Variants in SPHKAP observed in about 807,000 individuals in gnomAD.
SPHKAP encodes the protein SPHK1 interactor, AKAP domain containing, also known as A-kinase anchor protein SPHKAP.
In SPHKAP, 67 loss-of-function variants were observed where a neutral mutation model predicts 137.5. The ratio of observed to expected loss-of-function variants is 0.49; its 90% confidence interval spans 0.40 to 0.60. The LOEUF (loss-of-function observed/expected upper bound fraction) is 0.60. Among genes scored for constraint, SPHKAP ranks in the 20% least tolerant of loss-of-function variants. The probability of loss-of-function intolerance (pLI) is 0.00; values close to 1 mark genes in which losing one functional copy is unlikely to be tolerated. For synonymous variants in SPHKAP, 813 were observed against 785.3 expected (o/e 1.04, Z -0.59); for missense variants, 2,097 against 2,069.3 (o/e 1.01, Z -0.26).
intron 2 of SPHKAP, among the ~76,000 whole-genome samples, chr2:228,115,298 C>T (rs993265903): frequency 6.6e-6 from 1 of 152,076 alleles, no homozygotes; most frequent in East Asian, 1.9e-4. Flanking sequence ...TTAGTTATTA[C>T]TTTTGGATTT....
In SPHKAP at chr2:228,131,251, G is replaced by A. The variant is rs1000889000; in HGVS notation, c.138+729C>T. 6.7e-5 allele frequency: 65 copies of A among 969,382 alleles called. No homozygotes were observed. The African/African-American group carries it at 1.0e-3, about 15-fold the overall frequency. 60.0% of individuals were successfully genotyped at this position (969,382 alleles called of 1,614,324 possible). A position where few individuals can be genotyped will look rare whatever the true frequency, so the allele number is the denominator to read the frequency against. ...AGAATTTTTATAATTTAATATTTTT[G>A]CAATAAATGAAATAACTCACTGTGA... On this transcript the variant is annotated intron_variant, in intron 2 of 11. Transcript: ENST00000392056.
chr2:228,104,534 C>T (rs952739781), intron 3 of SPHKAP, among the ~76,000 whole-genome samples: 1 of 151,434 alleles, frequency 6.6e-6, no homozygotes, highest in Non-Finnish European at 1.5e-5. Context: ...ATATAAAATA[C>T]GAATTATATG....
chr2:228,035,338 C>T (rs1695544133), intron 3 of SPHKAP, among the ~76,000 whole-genome samples: 1 of 151,892 alleles, frequency 6.6e-6, no homozygotes, highest in Admixed American at 6.6e-5. Flanking sequence ...TGTGAAGGAC[C>T]TCTTCAAGGA....
At chr2:228,011,693 C>T (rs1694376205) in intron 7 of SPHKAP, among the ~76,000 whole-genome samples, 1 of 152,126 alleles carries the variant, frequency 6.6e-6, no homozygotes, top group African/African-American at 2.4e-5. Flanking sequence ...ATATATCACA[C>T]TTGCTTGTCA....
intron 2 of SPHKAP, among the ~76,000 whole-genome samples, chr2:228,115,069 G>A (rs953548424): frequency 4.6e-5 from 7 of 152,252 alleles, no homozygotes; most frequent in Middle Eastern, 3.4e-3. Context: ...GGCAGGTGGA[G>A]AAGACATGTC....
In SPHKAP at chr2:228,172,265, A is replaced by C. The variant is rs76842149; in HGVS notation, c.32+9302T>G. ...AATAGCAGCAGCTAGATTGTGGACT[A>C]TGAAATGGGCAATGTGTGAATTGAT... On this transcript the variant is annotated intron_variant, in intron 1 of 11. Coordinates refer to ENST00000392056, the MANE Select transcript of SPHKAP (RefSeq NM_001142644.2). Among the ~76,000 whole-genome samples the C allele has an allele frequency of 2.2e-3, 334 of 152,314 alleles. 5 individuals carry two copies. In the East Asian group the frequency reaches 0.053, roughly 24 times the overall value.
intron 11 of SPHKAP, among the ~76,000 whole-genome samples, chr2:227,987,102 C>T (rs1415735233): frequency 2.6e-5 from 4 of 152,202 alleles, no homozygotes; most frequent in South Asian, 2.1e-4. Flanking sequence ...AAGGAGGTCT[C>T]AAACTTCAGT....
chr2:228,046,553 A>G lies in SPHKAP; in HGVS notation c.247-19010T>C, dbSNP rs112074959. The stretch of plus-strand genomic sequence containing the variant: ...TTCAAAAAGCTTGCCAACACTTCAT[A>G]TTCTTTAATGCTACCAAAAATCATT... On this transcript the variant is annotated intron_variant, in intron 3 of 11. Coordinates refer to ENST00000392056, the MANE Select transcript of SPHKAP (RefSeq NM_001142644.2). Among the ~76,000 whole-genome samples, 1,280 of 152,206 alleles carry G rather than the reference A, an allele frequency of 8.4e-3. 16 individuals carry two copies. Among genetic ancestry groups the G allele is most frequent in the East Asian group, 0.029 (152 of 5,170 alleles).
intron 3 of SPHKAP, among the ~76,000 whole-genome samples, chr2:228,043,703 C>A (rs956371953): frequency 6.6e-6 from 1 of 152,134 alleles, no homozygotes; most frequent in African/African-American, 2.4e-5. Flanking sequence ...AATGAGACAA[C>A]CTAACTTTGA....
chr2:228,130,242 C>T (rs769719433), intron 2 of SPHKAP, among the ~76,000 whole-genome samples: 3 of 152,128 alleles, frequency 2.0e-5, no homozygotes, highest in Admixed American at 2.0e-4. Context: ...GATCATAAAT[C>T]CCTAACTCTC....
chr2:228,016,226 TATGTATAC>T (rs1057469041), intron 7 of SPHKAP, among the ~76,000 whole-genome samples, 172 bp downstream of exon 7: 1 of 152,126 alleles, frequency 6.6e-6, no homozygotes, highest in Admixed American at 6.6e-5. Flanking sequence ...GTTTGTTACA[TATGTATAC>T]ATGTGCCATG....
intron 8 of SPHKAP, 94 bp downstream of exon 8, chr2:227,995,415 T>C (rs1475319801): frequency 2.0e-6 from 3 of 1,466,680 alleles, no homozygotes; most frequent in African/African-American, 1.4e-5. Context: ...CCTTCTCTCT[T>C]TATTAGGGAC....
chr2:228,161,342 G>A (rs1287041297), intron 1 of SPHKAP, among the ~76,000 whole-genome samples: 1 of 152,240 alleles, frequency 6.6e-6, no homozygotes, highest in Non-Finnish European at 1.5e-5. Context: ...CAGAGCAGAT[G>A]TAAGTGGGAG....
chr2:228,036,778 C>T (rs1321129170), intron 3 of SPHKAP, among the ~76,000 whole-genome samples: 1 of 151,514 alleles, frequency 6.6e-6, no homozygotes, highest in African/African-American at 2.4e-5. Flanking sequence ...AAAACTATCG[C>T]AAGGACAAAA....
rs779678251 is a variant in SPHKAP at position 228,016,477 on chromosome 2, A to G, written c.4377T>C (p.His1459=). Residue 1459 remains histidine, a synonymous_variant, in exon 7 of 12, where the codon CAT becomes CAC. Coordinates refer to ENST00000392056, the MANE Select transcript of SPHKAP (RefSeq NM_001142644.2). ...KSSLLEEAEG[H]SNDKNIPDVV... ...CATCTGGGATGTTTTTGTCATTCGA[A>G]TGCCCTTCTGCTTCCTCTAGGAGGC... 1.9e-6 allele frequency: 3 copies of G among 1,612,924 alleles called. No individual in the cohort carries two copies. Among genetic ancestry groups the G allele is most frequent in the Non-Finnish European group, 8.5e-7 (1 of 1,179,628 alleles).
At chr2:228,016,362 C>A (rs761039524) in intron 7 of SPHKAP, 44 bp downstream of exon 7, 8 of 1,508,750 alleles carry the variant, frequency 5.3e-6, no homozygotes, top group Non-Finnish European at 7.1e-6. Context: ...AAGACGCAAA[C>A]TCCAGTCACA....
At chr2:228,129,067 A>C (rs1005415217) in intron 2 of SPHKAP, among the ~76,000 whole-genome samples, 4 of 152,210 alleles carry the variant, frequency 2.6e-5, no homozygotes, top group African/African-American at 9.6e-5. Flanking sequence ...GTCAGAGCAC[A>C]TACATTTATT....
chr2:228,094,838 G>C (rs1697930593), intron 3 of SPHKAP, among the ~76,000 whole-genome samples: 1 of 152,180 alleles, frequency 6.6e-6, no homozygotes, highest in Non-Finnish European at 1.5e-5. Context: ...ATTAGGTGCT[G>C]CAGAGGATTT....
At chr2:228,132,544 A>G (rs1260318442) in intron 1 of SPHKAP, 1 of 899,002 alleles carries the variant, frequency 1.1e-6, no homozygotes, top group Admixed American at 6.2e-5. Flanking sequence ...AGAAATGTGG[A>G]CTTTAGAAAA....
Sources: gnomAD v4.1 joint callset for allele counts (sites outside exome capture counted in the v4.1 genomes callset) on GRCh38, gnomAD v4.1.1 for gene constraint, MANE v1.5 for transcripts, NCBI Gene and HGNC (gene_info 2026-07-23, HGNC 2026-07-21) for gene names.